EPHX2: variants seen among roughly 807,000 people sequenced by gnomAD.
EPHX2 encodes the protein epoxide hydrolase 2.
Under a neutral mutation model 78.7 loss-of-function variants are expected in EPHX2, and 74 were observed. The observed-to-expected ratio is 0.94, with a 90% CI of 0.78 to 1.14. The LOEUF (loss-of-function observed/expected upper bound fraction) is 1.14. EPHX2 is among the 50% of genes most tolerant of loss of function. The pLI, the probability that EPHX2 is intolerant of heterozygous loss-of-function variation, is 0.00. For synonymous variants in EPHX2, 251 were observed against 255.2 expected (o/e 0.98, Z 0.16); for missense variants, 715 against 702.5 (o/e 1.02, Z -0.20).
At chr8:27,509,338 G>A (rs1482547971) in intron 5 of EPHX2, among the ~76,000 whole-genome samples, 1 of 152,196 alleles carries the variant, frequency 6.6e-6, no homozygotes, top group Middle Eastern at 3.2e-3. Flanking sequence ...CTATGAATGT[G>A]AGTGTGCATG....
intron 12 of EPHX2, among the ~76,000 whole-genome samples, chr8:27,531,837 G>A (rs1585216312): frequency 1.3e-5 from 2 of 152,302 alleles, no homozygotes; most frequent in Admixed American, 1.3e-4. Context: ...TGGGATGGTG[G>A]AGGGGAGCTC....
At chr8:27,493,919 G>A (rs942548051) in intron 1 of EPHX2, among the ~76,000 whole-genome samples, 10 of 152,144 alleles carry the variant, frequency 6.6e-5, no homozygotes, top group Non-Finnish European at 1.2e-4. Context: ...AGAAAAAACC[G>A]TTTTGTATCT....
chr8:27,547,915 A>C, downstream of EPHX2, among the ~76,000 whole-genome samples: 1 of 152,164 alleles, frequency 6.6e-6, no homozygotes, highest in South Asian at 2.1e-4. Flanking sequence ...GAATAGTAAA[A>C]ATATGTTATT....
At chr8:27,522,942 C>G (rs78844235) in intron 11 of EPHX2, among the ~76,000 whole-genome samples, 1 of 101,142 alleles carries the variant, frequency 9.9e-6, no homozygotes, top group Non-Finnish European at 1.8e-5. Flanking sequence ...GCCTGGGTGA[C>G]AAGAGTGAAA....
At position 27,508,755 on chromosome 8, in the gene EPHX2, TGTGTGTGTGTGCGCGCACGCAC is replaced by T. The variant is rs973994208; in HGVS notation, c.660+1773_660+1794del. On this transcript the variant is annotated intron_variant, in intron 5 of 18. Coordinates refer to ENST00000521400, the MANE Select transcript of EPHX2 (RefSeq NM_001979.6). ...TGTAACGTAAAATTTGCCATCTTTG[TGTGTGTGTGTGCGCGCACGCAC>T]GTGTGTGTGTGGACAGTTCAGTGAT... Among the ~76,000 whole-genome samples, 62 of 152,116 alleles carry T rather than the reference TGTGTGTGTGTGCGCGCACGCAC, an allele frequency of 4.1e-4. No individual in the cohort carries two copies. The South Asian group carries it at 0.012, about 30-fold the overall frequency.
intron 5 of EPHX2, among the ~76,000 whole-genome samples, chr8:27,509,901 A>G (rs1321925561): frequency 6.6e-6 from 1 of 152,104 alleles, no homozygotes; most frequent in Non-Finnish European, 1.5e-5. Flanking sequence ...CACCCCCAAA[A>G]GCAAGGGCAT....
At chr8:27,524,664 C>G (rs561254875) in intron 11 of EPHX2, among the ~76,000 whole-genome samples, 42 of 152,152 alleles carry the variant, frequency 2.8e-4, no homozygotes, top group Admixed American at 4.6e-4. Context: ...TGTTCCCCTC[C>G]CAGGCCTTGT....
At chr8:27,546,879 C>T (rs1463046825), downstream of EPHX2, among the ~76,000 whole-genome samples, 1 of 152,182 alleles carries the variant, frequency 6.6e-6, no homozygotes, top group Non-Finnish European at 1.5e-5. Flanking sequence ...TTAATTGGCT[C>T]ACGGTTCTGC....
chr8:27,506,377 T>C (rs545525199), intron 4 of EPHX2, among the ~76,000 whole-genome samples: 1 of 152,328 alleles, frequency 6.6e-6, no homozygotes, highest in South Asian at 2.1e-4. Flanking sequence ...CCCCAAACAG[T>C]TAACCAGTCA....
At chr8:27,542,217 C>G (rs1815424485) in intron 16 of EPHX2, among the ~76,000 whole-genome samples, 1 of 152,140 alleles carries the variant, frequency 6.6e-6, no homozygotes, top group Admixed American at 6.5e-5. Context: ...CCCTGGGATA[C>G]CATGGTGTGT....
At chr8:27,547,710 C>G (rs1815598507), downstream of EPHX2, among the ~76,000 whole-genome samples, 1 of 152,144 alleles carries the variant, frequency 6.6e-6, no homozygotes. Flanking sequence ...CCCACCTCTT[C>G]CCCAACCCTT....
At chr8:27,520,314 G>A (rs1814602166) in intron 9 of EPHX2, among the ~76,000 whole-genome samples, 4 of 151,112 alleles carry the variant, frequency 2.6e-5, no homozygotes, top group East Asian at 1.9e-4. Flanking sequence ...TACAGGCGCC[G>A]GCCACCGTGC....
Position 27,536,658 on chromosome 8 carries a change from A to G in EPHX2, c.1171-126A>G, listed in dbSNP as rs1032732515. On this transcript the variant is annotated intron_variant, in intron 12 of 18. Transcript: ENST00000521400. ...TATGATGAAAATTCAAATGGATGCT[A>G]TTCTGATGAAACTTGGGCTGGATGG... is the stretch of plus-strand genomic sequence containing the variant. 5.7e-6 allele frequency: 5 copies of G among 876,530 alleles called. No individual in the cohort carries two copies. In the African/African-American group the frequency reaches 8.4e-5, roughly 15 times the overall value. 54.3% of individuals were successfully genotyped at this position (876,530 alleles called of 1,614,324 possible). A position where few individuals can be genotyped will look rare whatever the true frequency, so the allele number is the denominator to read the frequency against.
chr8:27,496,127 C>G (rs1048057300), intron 1 of EPHX2, among the ~76,000 whole-genome samples: 2 of 152,222 alleles, frequency 1.3e-5, no homozygotes, highest in African/African-American at 4.8e-5. Flanking sequence ...GCCCTGGTTC[C>G]TCTGGCTAAG....
At chr8:27,539,445 G>C (rs1465358276) in intron 14 of EPHX2, among the ~76,000 whole-genome samples, 1 of 152,204 alleles carries the variant, frequency 6.6e-6, no homozygotes, top group Non-Finnish European at 1.5e-5. Context: ...AGAGGGTTAA[G>C]TAACTTGTCC....
Position 27,509,820 on chromosome 8 carries a change from G to A in EPHX2, c.661-2016G>A, listed in dbSNP as rs538603802. Among the ~76,000 whole-genome samples the A allele has an allele frequency of 1.1e-3, 166 of 152,374 alleles. 1 individual carries two copies. Among genetic ancestry groups the A allele is most frequent in the South Asian group, 4.3e-3 (21 of 4,830 alleles). On this transcript the variant is annotated intron_variant, in intron 5 of 18. Coordinates refer to ENST00000521400, the MANE Select transcript of EPHX2 (RefSeq NM_001979.6). ...TCTCAGAGGAAGGCAGTGGGCGTCA[G>A]TCATGAACAGCCTTTGTAAATTGCA... is the stretch of plus-strand genomic sequence containing the variant.
At chr8:27,501,440 A>G (rs933703949) in intron 2 of EPHX2, among the ~76,000 whole-genome samples, 1 of 140,612 alleles carries the variant, frequency 7.1e-6, no homozygotes, top group Non-Finnish European at 1.5e-5. Flanking sequence ...TTCTCACTCT[A>G]TTGCCTAGGC....
In EPHX2 at chr8:27,522,327, G is replaced by C. The variant is rs1011769444; in HGVS notation, c.973-96G>C. ...AGAGCTGCTGTGGGTCGGGGGAGGA[G>C]ACCCTGGTGTCGAGGGGCTGGCTGA... is the stretch of plus-strand genomic sequence containing the variant. On this transcript the variant is annotated intron_variant, in intron 10 of 18. Coordinates refer to ENST00000521400, the MANE Select transcript of EPHX2 (RefSeq NM_001979.6). 3 of 1,158,098 alleles carry C rather than the reference G, an allele frequency of 2.6e-6. No individual in the cohort carries two copies. In the African/African-American group the frequency reaches 4.6e-5, roughly 18 times the overall value. The allele number at this position is 1,158,098 out of a possible 1,614,324, so 71.7% of individuals were successfully genotyped here.
At chr8:27,548,249 T>C (rs540833584), downstream of EPHX2, among the ~76,000 whole-genome samples, 1 of 152,342 alleles carries the variant, frequency 6.6e-6, no homozygotes, top group South Asian at 2.1e-4. Flanking sequence ...TTGACATGAC[T>C]GTCCACCAGT....
Sources: gnomAD v4.1 joint callset for allele counts (sites outside exome capture counted in the v4.1 genomes callset) on GRCh38, gnomAD v4.1.1 for gene constraint, MANE v1.5 for transcripts, NCBI Gene and HGNC (gene_info 2026-07-23, HGNC 2026-07-21) for gene names.